MFF: variants seen among roughly 807,000 people sequenced by gnomAD.
The protein encoded by MFF is chromosome 2 open reading frame 33.
A neutral mutation model predicts 36.9 loss-of-function variants in MFF; 12 were observed. The ratio of observed to expected loss-of-function variants is 0.33; its 90% CI spans 0.21 to 0.53. The LOEUF is 0.53. Among genes scored for constraint, MFF ranks in the 20% least tolerant of loss-of-function variants. MFF has a pLI of 0.95. For synonymous variants in MFF, 99 were observed against 126.2 expected, an observed-to-expected ratio of 0.78 and a Z score of 1.44; for missense variants, 348 against 366.6, an observed-to-expected ratio of 0.95 and a Z score of 0.42.
Position 227,328,711 on chromosome 2 carries a change from A to T in MFF, c.-119A>T, listed in dbSNP as rs1174107822. On this transcript the variant is annotated 5_prime_UTR_variant, in exon 2 of 9. Transcript: ENST00000304593. ...GTGGCTCTCAATCCAGCACATGCACATTGAAGCAAGTTAAAGGATTTAATA... is the reference window on the plus strand; with the variant it reads ...GTGGCTCTCAATCCAGCACATGCACTTTGAAGCAAGTTAAAGGATTTAATA... 1 of 170,900 alleles carries T rather than the reference A, an allele frequency of 5.9e-6. No homozygotes were observed. The highest frequency in any genetic ancestry group is 1.9e-4 in the East Asian group (1 of 5,288). 10.6% of individuals were successfully genotyped at this position (170,900 alleles called of 1,614,324 possible). A position where few individuals can be genotyped will look rare whatever the true frequency, so the allele number is the denominator to read the frequency against.
At position 227,347,359 on chromosome 2, in the gene MFF, T is replaced by C; in HGVS notation, c.574T>C (p.Leu192=). ...SSTRRAYQQI[L]DVLDENRRPV... is the part of the protein sequence containing the mutation. ...TACTCGTAGGGCATACCAGCAGATCTTGGATGTGCTGGATGAAAATCGCAG... is the reference window on the plus strand; with the variant it reads ...TACTCGTAGGGCATACCAGCAGATCCTGGATGTGCTGGATGAAAATCGCAG... The change falls in exon 6 of 9, where the codon TTG becomes CTG. Residue 192 remains leucine, a synonymous_variant. Transcript: ENST00000304593. 6.2e-7 allele frequency: 1 copy of C among 1,613,680 alleles called. No homozygotes were observed. Among genetic ancestry groups the C allele is most frequent in the Non-Finnish European group, 8.5e-7 (1 of 1,179,648 alleles).
chr2:227,345,280 A>T (rs1477934786), intron 5 of MFF, among the ~76,000 whole-genome samples: 1 of 152,222 alleles, frequency 6.6e-6, no homozygotes, highest in Non-Finnish European at 1.5e-5. Context: ...ATGGGCCAAC[A>T]TCCATTAAGT....
chr2:227,329,859 C>A, intron 2 of MFF: 2 of 894,422 alleles, frequency 2.2e-6, no homozygotes, highest in Non-Finnish European at 1.7e-6. Context: ...CTGCCGTAGG[C>A]TAACCATGCT....
intron 4 of MFF, among the ~76,000 whole-genome samples, chr2:227,339,087 A>G (rs925895827): frequency 2.6e-5 from 4 of 151,770 alleles, no homozygotes; most frequent in Admixed American, 6.6e-5. Flanking sequence ...CTATAGTCCC[A>G]GCTACTTCAG....
At chr2:227,332,117 G>A (rs997828289) in intron 3 of MFF, among the ~76,000 whole-genome samples, 10 of 147,242 alleles carry the variant, frequency 6.8e-5, no homozygotes, top group Admixed American at 4.8e-4. Context: ...GACTACAGGC[G>A]CCCGCCACTA....
chr2:227,334,101 C>G (rs976702227), intron 4 of MFF, among the ~76,000 whole-genome samples: 1 of 152,184 alleles, frequency 6.6e-6, no homozygotes, highest in Non-Finnish European at 1.5e-5. Flanking sequence ...TTACTAACCA[C>G]ATAACTTTGG....
At chr2:227,350,265 A>G (rs1426430746) in intron 6 of MFF, among the ~76,000 whole-genome samples, 1 of 152,088 alleles carries the variant, frequency 6.6e-6, no homozygotes, top group Middle Eastern at 3.2e-3. Context: ...AAATACTATT[A>G]TGATTTGGTC....
chr2:227,348,677 G>A (rs1230507148), intron 6 of MFF, among the ~76,000 whole-genome samples: 1 of 152,092 alleles, frequency 6.6e-6, no homozygotes, highest in Non-Finnish European at 1.5e-5. Flanking sequence ...GAATTAACCC[G>A]GATCCACCCC....
chr2:227,338,734 G>T (rs973407454), intron 4 of MFF, among the ~76,000 whole-genome samples: 1 of 151,782 alleles, frequency 6.6e-6, no homozygotes, highest in African/African-American at 2.4e-5. Flanking sequence ...GGATGCCGAG[G>T]CAGGAGAATT....
intron 5 of MFF, among the ~76,000 whole-genome samples, chr2:227,344,948 T>C (rs184133442): frequency 8.5e-5 from 13 of 152,338 alleles, no homozygotes; most frequent in Admixed American, 5.2e-4. Flanking sequence ...ATAAGTATTT[T>C]TCATGTTAAA....
At chr2:227,356,199 A>G (rs2076248357) in intron 8 of MFF, among the ~76,000 whole-genome samples, 1 of 152,212 alleles carries the variant, frequency 6.6e-6, no homozygotes, top group African/African-American at 2.4e-5. Flanking sequence ...ATTTTTTAAT[A>G]TGTACTCCCA....
Position 227,330,629 on chromosome 2 carries a change from G to A in MFF, c.-37G>A. The A allele has an allele frequency of 6.2e-7, 1 of 1,613,218 alleles. No individual in the cohort carries two copies. The highest frequency in any genetic ancestry group is 8.5e-7 in the Non-Finnish European group (1 of 1,179,200). On this transcript the variant is annotated 5_prime_UTR_variant, in exon 3 of 9. Coordinates refer to ENST00000304593, the MANE Select transcript of MFF (RefSeq NM_001277062.2). ...TCTTTAAATTTTTCTCCCACAGGGT[G>A]AGCAGGGCAGCATTTCCTTCTCCCA...
chr2:227,342,944 T>C (rs2075483382), intron 5 of MFF: 3 of 701,850 alleles, frequency 4.3e-6, no homozygotes, highest in African/African-American at 3.7e-5. Context: ...TTTGGCTTTT[T>C]AGTACCTCTG....
chr2:227,342,618 C>T (rs1489866483), intron 5 of MFF: 2 of 663,786 alleles, frequency 3.0e-6, no homozygotes, highest in Admixed American at 3.0e-5. Context: ...TTAATTACTT[C>T]GAAGAGGCAA....
intron 7 of MFF, chr2:227,355,280 C>T (rs1392654211): frequency 6.5e-6 from 1 of 154,128 alleles, no homozygotes; most frequent in Non-Finnish European, 1.4e-5. Context: ...GCTAGTGAGT[C>T]TGTGCCTATG....
intron 3 of MFF, among the ~76,000 whole-genome samples, chr2:227,331,633 G>A (rs2074576142): frequency 6.6e-6 from 1 of 152,228 alleles, no homozygotes; most frequent in Non-Finnish European, 1.5e-5. Context: ...ATAAGTTACA[G>A]TTGCTCCACA....
chr2:227,343,472 A>G (rs2075529891), intron 5 of MFF, among the ~76,000 whole-genome samples: 1 of 152,176 alleles, frequency 6.6e-6, no homozygotes, highest in Non-Finnish European at 1.5e-5. Flanking sequence ...TTCTGGTTCT[A>G]TTATTATGCT....
At chr2:227,329,559 T>C (rs1049441224) in intron 2 of MFF, 15 of 464,306 alleles carry the variant, frequency 3.2e-5, no homozygotes, top group Middle Eastern at 6.0e-4. Flanking sequence ...AGTTTTCTTA[T>C]GAAATGAATT....
At chr2:227,351,270 T>C (rs550457436) in intron 6 of MFF, among the ~76,000 whole-genome samples, 1 of 152,288 alleles carries the variant, frequency 6.6e-6, no homozygotes, top group African/African-American at 2.4e-5. Context: ...GTCAAACATG[T>C]TCCCCCAAAA....
Sources: allele counts gnomAD v4.1 joint callset (sites outside exome capture counted in the v4.1 genomes callset), GRCh38; gene constraint gnomAD v4.1.1; transcripts MANE v1.5; gene names NCBI Gene and HGNC (gene_info 2026-07-23, HGNC 2026-07-21).